CHRM3: variants seen among roughly 807,000 people sequenced by gnomAD.
The protein encoded by CHRM3 is muscarinic acetylcholine receptor M3.
Under a neutral mutation model 41.8 loss-of-function variants are expected in CHRM3, and 11 were observed. That is an observed-to-expected ratio of 0.26 (90% CI 0.17 to 0.44). The LOEUF (loss-of-function observed/expected upper bound fraction) is 0.44. CHRM3 is among the 20% of genes least tolerant of loss of function. The pLI is 1.00. For synonymous variants in CHRM3, 297 were observed against 301.4 expected (o/e 0.99, Z 0.15); for missense variants, 571 against 745.4 (o/e 0.77, Z 2.72).
At chr1:239,448,306 A>G (rs1291976334) in intron 1 of CHRM3, among the ~76,000 whole-genome samples, 3 of 152,138 alleles carry the variant, frequency 2.0e-5, no homozygotes, top group Admixed American at 6.5e-5. Flanking sequence ...GGGAGATGCA[A>G]TATAAAATTC....
intron 1 of CHRM3, among the ~76,000 whole-genome samples, chr1:239,474,273 C>A (rs1666324112): frequency 6.6e-6 from 1 of 151,952 alleles, no homozygotes; most frequent in African/African-American, 2.4e-5. Flanking sequence ...ATTGTAACTG[C>A]AAATTGGTAA....
At chr1:239,504,284 G>C (rs1234204489) in intron 2 of CHRM3, among the ~76,000 whole-genome samples, 1 of 152,004 alleles carries the variant, frequency 6.6e-6, no homozygotes, top group Non-Finnish European at 1.5e-5. Context: ...CTCAAAACAA[G>C]ATATACAGAT....
At chr1:239,814,634 C>A (rs1312477829) in intron 5 of CHRM3, among the ~76,000 whole-genome samples, 1 of 152,110 alleles carries the variant, frequency 6.6e-6, no homozygotes, top group East Asian at 1.9e-4. Context: ...AGTGACTATG[C>A]ACTAGTGAGA....
intron 4 of CHRM3, among the ~76,000 whole-genome samples, chr1:239,638,719 T>A (rs1229942523): frequency 6.6e-6 from 1 of 152,202 alleles, no homozygotes; most frequent in Admixed American, 6.5e-5. Flanking sequence ...AGGTTGCTGG[T>A]TCACTCTGAT....
chr1:239,591,562 G>A (rs1270823045), intron 3 of CHRM3, among the ~76,000 whole-genome samples: 1 of 150,304 alleles, frequency 6.7e-6, no homozygotes, highest in African/African-American at 2.5e-5. Context: ...TCAAAATCAA[G>A]ACTATAGCAA....
At chr1:239,552,152 A>G (rs970410098) in intron 3 of CHRM3, among the ~76,000 whole-genome samples, 1 of 148,830 alleles carries the variant, frequency 6.7e-6, no homozygotes, top group African/African-American at 2.4e-5. Context: ...TATGATATAT[A>G]TTTATTATAT....
At chr1:239,664,818 C>T (rs1443154682) in intron 4 of CHRM3, among the ~76,000 whole-genome samples, 1 of 152,192 alleles carries the variant, frequency 6.6e-6, no homozygotes, top group Admixed American at 6.5e-5. Flanking sequence ...CAGTGTGGGT[C>T]TTCCTGGCTT....
intron 1 of CHRM3, among the ~76,000 whole-genome samples, chr1:239,415,816 A>G (rs1042087804): frequency 1.3e-5 from 2 of 152,188 alleles, no homozygotes; most frequent in East Asian, 1.9e-4. Context: ...TCATCTAGGC[A>G]CTGAGGATAA....
At chr1:239,397,554 C>A (rs1348154896) in intron 1 of CHRM3, among the ~76,000 whole-genome samples, 1 of 151,786 alleles carries the variant, frequency 6.6e-6, no homozygotes, top group Non-Finnish European at 1.5e-5. Context: ...TGCATGTAGT[C>A]CCAGCTACTT....
At chr1:239,522,353 A>T (rs968037865) in intron 2 of CHRM3, among the ~76,000 whole-genome samples, 4 of 152,192 alleles carry the variant, frequency 2.6e-5, no homozygotes, top group African/African-American at 9.6e-5. Context: ...CAGCCATGTG[A>T]GTGAGCCTCT....
intron 4 of CHRM3, among the ~76,000 whole-genome samples, chr1:239,643,179 G>C (rs1337696057): frequency 6.6e-6 from 1 of 152,148 alleles, no homozygotes; most frequent in African/African-American, 2.4e-5. Flanking sequence ...GCCCCTACTG[G>C]GGGGTGCCTC....
chr1:239,804,721 C>A (rs1670494510), intron 5 of CHRM3, among the ~76,000 whole-genome samples: 2 of 152,170 alleles, frequency 1.3e-5, no homozygotes, highest in African/African-American at 4.8e-5. Flanking sequence ...AATGCAGCGC[C>A]TTCTTCCTAA....
chr1:239,761,814 G>A (rs556093878), intron 5 of CHRM3, among the ~76,000 whole-genome samples: 5 of 152,236 alleles, frequency 3.3e-5, no homozygotes, highest in South Asian at 2.1e-4. Context: ...CAGTTGCACC[G>A]GACAGATGTC....
intron 2 of CHRM3, among the ~76,000 whole-genome samples, chr1:239,498,228 A>G (rs1668008850): frequency 1.3e-5 from 2 of 152,180 alleles, no homozygotes; most frequent in African/African-American, 4.8e-5. Context: ...TGGTGGAACT[A>G]AGACAAAATC....
chr1:239,494,600 T>C (rs925420331), intron 2 of CHRM3, among the ~76,000 whole-genome samples: 1 of 152,148 alleles, frequency 6.6e-6, no homozygotes, highest in African/African-American at 2.4e-5. Context: ...GTCTATTGCA[T>C]AGTTGAATAT....
chr1:239,777,469 T>C (rs74392179), intron 5 of CHRM3, among the ~76,000 whole-genome samples: 3,070 of 152,298 alleles, frequency 0.02, 92 homozygotes, highest in South Asian at 0.096. Context: ...GCTGTGCTAT[T>C]TGGGGTGGTA....
Position 239,522,686 on chromosome 1 carries a change from T to C in CHRM3, c.-421-22955T>C, listed in dbSNP as rs560575554. ...GACAATGAGGAGGTAGAGATGTTGT[T>C]CAGGCAGATGCGTTTAGACTTCGAG... is the stretch of plus-strand genomic sequence containing the variant. On this transcript the variant is annotated intron_variant, in intron 2 of 6. Transcript: ENST00000676153. Among the ~76,000 whole-genome samples the C allele has an allele frequency of 2.1e-4, 32 of 152,282 alleles. 1 individual carries two copies. In the South Asian group the frequency reaches 6.4e-3, roughly 31 times the overall value.
chr1:239,437,913 G>A (rs527268159), intron 1 of CHRM3, among the ~76,000 whole-genome samples: 148 of 152,298 alleles, frequency 9.7e-4, no homozygotes, highest in Admixed American at 1.5e-3. Flanking sequence ...GATTGTTGCA[G>A]ATTTCTAAGG....
Position 239,445,472 on chromosome 1 carries a change from T to C in CHRM3, c.-520-47237T>C, listed in dbSNP as rs112281930. Reference sequence around the variant, plus strand: ...ATGGAAACAGGACGGCATTAATGTTTCATAGCACTTTGTACATGCCTCTGT... The same window carrying C: ...ATGGAAACAGGACGGCATTAATGTTCCATAGCACTTTGTACATGCCTCTGT... On this transcript the variant is annotated intron_variant, in intron 1 of 6. Transcript: ENST00000676153. Among the ~76,000 whole-genome samples the C allele has an allele frequency of 5.4e-3, 820 of 152,160 alleles. 3 individuals carry two copies. The highest frequency in any genetic ancestry group is 8.8e-3 in the Non-Finnish European group (595 of 67,974).
Sources: gnomAD v4.1 joint callset for allele counts (sites outside exome capture counted in the v4.1 genomes callset) on GRCh38, gnomAD v4.1.1 for gene constraint, MANE v1.5 for transcripts, NCBI Gene and HGNC (gene_info 2026-07-23, HGNC 2026-07-21) for gene names.